Variants in MAF observed in about 807,000 individuals in gnomAD.
MAF encodes the protein MAF bZIP transcription factor, also known as transcription factor Maf.
MAF carries 10 observed loss-of-function variants against 22.0 expected under a neutral mutation model. The ratio of observed to expected loss-of-function variants is 0.45; its 90% CI spans 0.28 to 0.77. The LOEUF is 0.77. Ranked by LOEUF, MAF falls within the 30% of genes least tolerant of loss-of-function variation. The pLI is 0.12. For missense variants in MAF, 544 were observed against 548.4 expected (o/e 0.99, Z 0.08); for synonymous variants, 337 against 255.8 (o/e 1.32, Z -3.03).
At chr16:79,501,754 T>C in the MAF span, among the ~76,000 whole-genome samples, 1 of 152,328 alleles carries the variant, frequency 6.6e-6, no homozygotes, top group South Asian at 2.1e-4. Flanking sequence ...AAGCTGACTT[T>C]GAAATCCCCT....
At chr16:79,304,399 T>A in the MAF span, among the ~76,000 whole-genome samples, 3 of 152,204 alleles carry the variant, frequency 2.0e-5, no homozygotes, top group African/African-American at 7.2e-5. Context: ...AGAAAGGAAA[T>A]GTGGACTCTG....
At chr16:79,248,264 G>A in the MAF span, among the ~76,000 whole-genome samples, 1 of 151,780 alleles carries the variant, frequency 6.6e-6, no homozygotes, top group Non-Finnish European at 1.5e-5. Context: ...GATCCTACCT[G>A]ATAATAAATT....
At chr16:79,274,109 C>T in the MAF span, among the ~76,000 whole-genome samples, 1 of 152,032 alleles carries the variant, frequency 6.6e-6, no homozygotes, top group African/African-American at 2.4e-5. Flanking sequence ...TATGCGCCAC[C>T]ATGACTGGTT....
At chr16:79,369,747 ATGCTTCCAC>A in the MAF span, among the ~76,000 whole-genome samples, 1 of 152,212 alleles carries the variant, frequency 6.6e-6, no homozygotes. Flanking sequence ...GCCACTGCTA[ATGCTTCCAC>A]CCTCCATGAT....
chr16:79,258,873 C>A, the MAF span, among the ~76,000 whole-genome samples: 5 of 152,292 alleles, frequency 3.3e-5, no homozygotes, highest in Admixed American at 3.3e-4. Flanking sequence ...AGATGTCAGA[C>A]TGCCCACTGC....
the MAF span, among the ~76,000 whole-genome samples, chr16:79,328,190 C>T: frequency 5.9e-5 from 9 of 152,138 alleles, no homozygotes; most frequent in Non-Finnish European, 1.3e-4. Context: ...CTGGGAGTCT[C>T]TTATTTTTTC....
At chr16:79,595,785 G>A in intron 1 of MAF, 1 of 1,057,044 alleles carries the variant, frequency 9.5e-7, no homozygotes, top group Non-Finnish European at 1.1e-6. Flanking sequence ...GCTCATCCAG[G>A]TAGAGAAGTT....
chr16:79,270,396 G>C, the MAF span, among the ~76,000 whole-genome samples: 1 of 152,104 alleles, frequency 6.6e-6, no homozygotes, highest in Admixed American at 6.6e-5. Flanking sequence ...AGGAGCATGT[G>C]TGGAGTGGAG....
chr16:79,406,175 C>T, the MAF span, among the ~76,000 whole-genome samples: 3 of 152,146 alleles, frequency 2.0e-5, no homozygotes, highest in African/African-American at 4.8e-5. Context: ...TGCTGCTTTC[C>T]CTACACGCCT....
chr16:79,259,317 C>T, the MAF span, among the ~76,000 whole-genome samples: 1 of 152,202 alleles, frequency 6.6e-6, no homozygotes, highest in Non-Finnish European at 1.5e-5. Flanking sequence ...GCCTCCTCCC[C>T]ACTCACCAGC....
the MAF span, among the ~76,000 whole-genome samples, chr16:79,261,382 A>C: frequency 6.6e-6 from 1 of 151,888 alleles, no homozygotes; most frequent in Non-Finnish European, 1.5e-5. Context: ...TGAACTCACA[A>C]CCTCAAGTGA....
chr16:79,303,033 C>G, the MAF span, among the ~76,000 whole-genome samples: 2 of 152,138 alleles, frequency 1.3e-5, no homozygotes, highest in Non-Finnish European at 2.9e-5. Flanking sequence ...CCCAAACATG[C>G]TTTTATCTGA....
At chr16:79,204,335 A>G in the MAF span, 1 of 152,112 alleles carries the variant, frequency 6.6e-6, no homozygotes, top group South Asian at 2.1e-4. Context: ...GCAGGCACAA[A>G]TGGAAGATGG....
At chr16:79,366,890 G>C in the MAF span, among the ~76,000 whole-genome samples, 1 of 152,180 alleles carries the variant, frequency 6.6e-6, no homozygotes, top group Non-Finnish European at 1.5e-5. Context: ...CCTACCAAGA[G>C]CTAATGAAAT....
the MAF span, among the ~76,000 whole-genome samples, chr16:79,328,797 A>G: frequency 6.6e-5 from 10 of 152,174 alleles, no homozygotes; most frequent in Admixed American, 2.6e-4. Context: ...TCCTCTCTCA[A>G]TTGCTCCAGC....
chr16:79,407,921 G>A, the MAF span, among the ~76,000 whole-genome samples: 5 of 151,944 alleles, frequency 3.3e-5, no homozygotes, highest in African/African-American at 9.7e-5. Flanking sequence ...CAAGGAAAGG[G>A]GCGGGTTATT....
chr16:79,530,539 C>T, the MAF span, among the ~76,000 whole-genome samples: 1 of 152,146 alleles, frequency 6.6e-6, no homozygotes, highest in Non-Finnish European at 1.5e-5. Context: ...GGACATTATT[C>T]ATTTTAAGTG....
the MAF span, among the ~76,000 whole-genome samples, chr16:79,325,831 A>C: frequency 6.6e-6 from 1 of 152,216 alleles, no homozygotes; most frequent in South Asian, 2.1e-4. Flanking sequence ...ATGGCTAGGA[A>C]GGGAACAGAA....
chr16:79,546,945 G>A, the MAF span, among the ~76,000 whole-genome samples: 364 of 152,248 alleles, frequency 2.4e-3, 1 homozygote, highest in African/African-American at 7.9e-3. Flanking sequence ...CAAATATTAG[G>A]ATATACTATG....
Sources: allele counts gnomAD v4.1 joint callset (sites outside exome capture counted in the v4.1 genomes callset), GRCh38; gene constraint gnomAD v4.1.1; transcripts MANE v1.5; gene names NCBI Gene and HGNC (gene_info 2026-07-23, HGNC 2026-07-21).